Variants in DCC observed in about 807,000 individuals in gnomAD.
DCC encodes the protein netrin receptor DCC.
DCC carries 58 observed loss-of-function variants against 172.5 expected under a neutral mutation model. That is an observed-to-expected ratio of 0.34 (90% CI 0.27 to 0.42). The LOEUF is 0.42. DCC is among the 10% of genes least tolerant of loss of function. DCC has a pLI of 1.00. For synonymous variants in DCC, 709 were observed against 644.5 expected (o/e 1.10, Z -1.52); for missense variants, 1,740 against 1,791.0 (o/e 0.97, Z 0.51).
At chr18:53,048,932 T>C (rs1359348392) in intron 5 of DCC, among the ~76,000 whole-genome samples, 2 of 151,936 alleles carry the variant, frequency 1.3e-5, no homozygotes, top group African/African-American at 4.8e-5. Context: ...CTCTAATGAT[T>C]AGTGATATTG....
chr18:52,846,312 C>G (rs2038888286), intron 2 of DCC, among the ~76,000 whole-genome samples: 1 of 151,990 alleles, frequency 6.6e-6, no homozygotes, highest in Admixed American at 6.5e-5. Context: ...GAAGCTGACG[C>G]AGGCAGATTT....
chr18:53,380,257 A>AT, intron 15 of DCC, among the ~76,000 whole-genome samples: 1 of 152,294 alleles, frequency 6.6e-6, no homozygotes, highest in East Asian at 1.9e-4. Flanking sequence ...ATAGTTCCAC[A>AT]TTGCTCTCCA....
chr18:53,109,948 T>C (rs1568310386), intron 7 of DCC, among the ~76,000 whole-genome samples: 1 of 149,264 alleles, frequency 6.7e-6, no homozygotes, highest in Non-Finnish European at 1.5e-5. Flanking sequence ...TCTGAAAGTA[T>C]TTTTTTTTTC....
chr18:52,809,089 C>T (rs570269495), intron 2 of DCC, among the ~76,000 whole-genome samples: 1 of 152,248 alleles, frequency 6.6e-6, no homozygotes, highest in African/African-American at 2.4e-5. Flanking sequence ...CCAATTCCCT[C>T]ATATCTTACA....
intron 1 of DCC, among the ~76,000 whole-genome samples, chr18:52,567,873 A>C (rs1378379209): frequency 1.3e-5 from 2 of 152,178 alleles, no homozygotes; most frequent in Non-Finnish European, 2.9e-5. Flanking sequence ...GCAGTTCTGT[A>C]CTTTGACTGT....
intron 1 of DCC, among the ~76,000 whole-genome samples, chr18:52,347,069 G>A (rs1307600197): frequency 6.6e-6 from 1 of 152,090 alleles, no homozygotes; most frequent in East Asian, 1.9e-4. Context: ...AGAGTATCTA[G>A]GACAAACATG....
chr18:52,391,270 C>T (rs1986019928), intron 1 of DCC, among the ~76,000 whole-genome samples: 1 of 152,048 alleles, frequency 6.6e-6, no homozygotes, highest in Non-Finnish European at 1.5e-5. Context: ...AGCTCATGAA[C>T]ACTTAGAAGG....
rs1285856362 is a variant in DCC, at chr18:52,449,348, GA to G, written c.91+108475del. On this transcript the variant is annotated intron_variant, in intron 1 of 28. Coordinates refer to ENST00000442544, the MANE Select transcript of DCC (RefSeq NM_005215.4). The stretch of plus-strand genomic sequence containing the variant: ...AAAGTATGGAATCTCCCTTGCGGGG[GA>G]AAAATACACTTATAGACAAGATTGT... Among the ~76,000 whole-genome samples, 6 of 152,236 alleles carry G rather than the reference GA, an allele frequency of 3.9e-5. No homozygotes were observed. The East Asian group carries it at 1.2e-3, about 29-fold the overall frequency.
chr18:52,801,085 G>A (rs1414851258), intron 2 of DCC, among the ~76,000 whole-genome samples: 3 of 152,134 alleles, frequency 2.0e-5, no homozygotes, highest in African/African-American at 4.8e-5. Context: ...CAGTGTGCAA[G>A]GTCTGTCTCT....
chr18:52,667,103 AT>A (rs2035470301), intron 1 of DCC, among the ~76,000 whole-genome samples: 1 of 152,154 alleles, frequency 6.6e-6, no homozygotes, highest in Non-Finnish European at 1.5e-5. Flanking sequence ...TAGAGCCAGT[AT>A]CTGTTGAGAC....
intron 1 of DCC, among the ~76,000 whole-genome samples, chr18:52,685,852 A>C (rs2035823468): frequency 6.6e-6 from 1 of 152,034 alleles, no homozygotes; most frequent in Non-Finnish European, 1.5e-5. Context: ...ACTCCTGGGA[A>C]GAGATAAGAT....
intron 5 of DCC, among the ~76,000 whole-genome samples, chr18:52,977,992 C>G (rs1054822166): frequency 2.0e-5 from 3 of 148,280 alleles, no homozygotes; most frequent in African/African-American, 7.5e-5. Context: ...TCACAAAGAT[C>G]AAATCAAATT....
At chr18:53,274,652 G>T (rs117408888) in intron 12 of DCC, among the ~76,000 whole-genome samples, 1 of 152,112 alleles carries the variant, frequency 6.6e-6, no homozygotes, top group Admixed American at 6.6e-5. Context: ...GGAGGAATTC[G>T]TTTGAAAATC....
At chr18:52,408,165 A>G (rs73955622) in intron 1 of DCC, among the ~76,000 whole-genome samples, 12 of 152,094 alleles carry the variant, frequency 7.9e-5, no homozygotes, top group African/African-American at 1.2e-4. Flanking sequence ...CACATATCCA[A>G]ATGCCATATA....
In DCC at chr18:52,906,115, G is replaced by A. The variant is rs868090609; in HGVS notation, c.484G>A (p.Glu162Lys). ...GGGAGACACAGTGCTACTCAAGTGT[G>A]AAGTCATTGGGGAGCCCATGCCAAC... Reference protein sequence around the residue: ...FMGDTVLLKCEVIGEPMPTIH... With the variant: ...FMGDTVLLKCKVIGEPMPTIH... Residue 162 changes from glutamate (E) to lysine (K), a missense_variant, in exon 3 of 29, where the codon GAA (glutamate) becomes AAA (lysine). Physicochemically the swap from Glu to Lys is moderately conservative, Grantham distance 56 (BLOSUM62 1). This residue lies in a region of DCC where 1,732 missense variants were observed against 1,767.4 expected (regional missense o/e 0.98). Coordinates refer to ENST00000442544, the MANE Select transcript of DCC (RefSeq NM_005215.4). The A allele has an allele frequency of 1.9e-6, 3 of 1,613,708 alleles. No individual in the cohort carries two copies. The highest frequency in any genetic ancestry group is 1.3e-5 in the African/African-American group (1 of 74,906).
chr18:52,682,784 G>C (rs1446662059), intron 1 of DCC, among the ~76,000 whole-genome samples: 1 of 152,068 alleles, frequency 6.6e-6, no homozygotes, highest in Non-Finnish European at 1.5e-5. Context: ...AGTTTATAGA[G>C]AGTAGTTGGT....
intron 5 of DCC, among the ~76,000 whole-genome samples, chr18:52,925,803 C>G (rs2040192895): frequency 6.6e-6 from 1 of 151,646 alleles, no homozygotes; most frequent in South Asian, 2.1e-4. Flanking sequence ...TTTTTATTAA[C>G]ATGGGAATAC....
At chr18:53,450,745 TC>T in intron 23 of DCC, 83 bp downstream of exon 23, 1 of 1,155,458 alleles carries the variant, frequency 8.7e-7, no homozygotes, top group Non-Finnish European at 1.3e-6. Context: ...CTGCGTTCTT[TC>T]ATAATTCACC....
intron 1 of DCC, among the ~76,000 whole-genome samples, chr18:52,501,805 C>A (rs925940500): frequency 7.9e-5 from 12 of 152,110 alleles, no homozygotes; most frequent in African/African-American, 2.9e-4. Context: ...TCTCCTGGAG[C>A]ATGTGATAGA....
Sources: allele counts gnomAD v4.1 joint callset (sites outside exome capture counted in the v4.1 genomes callset), GRCh38; gene constraint gnomAD v4.1.1; regional missense constraint gnomAD v4.1.1; transcripts MANE v1.5; gene names NCBI Gene and HGNC (gene_info 2026-07-23, HGNC 2026-07-21).